SOX30: variants seen among roughly 807,000 people sequenced by gnomAD.
SOX30 encodes transcription factor SOX-30.
Under a neutral mutation model 58.6 loss-of-function variants are expected in SOX30, and 17 were observed. The ratio of observed to expected loss-of-function variants is 0.29; its 90% CI spans 0.20 to 0.44. The LOEUF (loss-of-function observed/expected upper bound fraction) is 0.44, where lower values mean the gene tolerates loss of function less well. Ranked by LOEUF, SOX30 falls within the 20% of genes least tolerant of loss-of-function variation. The probability of loss-of-function intolerance (pLI) is 1.00; values close to 1 mark genes in which losing one functional copy is unlikely to be tolerated. For synonymous variants in SOX30, 421 were observed against 400.2 expected (o/e 1.05, Z -0.62); for missense variants, 951 against 965.8 (o/e 0.98, Z 0.20).
At chr5:157,639,124 A>G (rs1447678823) in intron 3 of SOX30, among the ~76,000 whole-genome samples, 2 of 152,178 alleles carry the variant, frequency 1.3e-5, no homozygotes, top group African/African-American at 4.8e-5. Flanking sequence ...AAATGCTGGT[A>G]TGCATATATA....
At chr5:157,640,442 C>A (rs926066850) in intron 3 of SOX30, among the ~76,000 whole-genome samples, 2 of 152,126 alleles carry the variant, frequency 1.3e-5, no homozygotes, top group Admixed American at 6.5e-5. Flanking sequence ...ATAAGCGAGA[C>A]AGGGTAGTGG....
intron 1 of SOX30, chr5:157,667,959 G>A (rs558697521): frequency 1.2e-5 from 15 of 1,260,698 alleles, no homozygotes; most frequent in Middle Eastern, 1.9e-4. Context: ...CAGGCATCAC[G>A]CCTATCTTAC....
At chr5:157,628,857 T>A (rs945537083) in intron 4 of SOX30, among the ~76,000 whole-genome samples, 13 of 152,182 alleles carry the variant, frequency 8.5e-5, no homozygotes, top group African/African-American at 3.1e-4. Flanking sequence ...GCCAGTCTGG[T>A]CTCGAAATTC....
At chr5:157,663,686 T>C (rs1390875831) in intron 2 of SOX30, among the ~76,000 whole-genome samples, 3 of 152,204 alleles carry the variant, frequency 2.0e-5, no homozygotes, top group African/African-American at 4.8e-5. Flanking sequence ...GATGACATGA[T>C]TGTATATTTA....
chr5:157,646,956 T>A (rs778343538), intron 2 of SOX30, 140 bp from the exon 3 acceptor site: 21 of 653,358 alleles, frequency 3.2e-5, no homozygotes, highest in Non-Finnish European at 5.0e-5. Context: ...TCCGGGATAT[T>A]ATTTCAGTGA....
chr5:157,649,732 G>T lies in SOX30; in HGVS notation c.968-836C>A, dbSNP rs561423645. 1.1e-4 allele frequency among the ~76,000 whole-genome samples: 16 copies of T among 152,282 alleles called. No homozygotes were observed. The East Asian group carries it at 1.7e-3, about 17-fold the overall frequency. On this transcript the variant is annotated intron_variant, in intron 1 of 4. Transcript: ENST00000265007. ...TTGAACCCAGGAGGTGGAGGTTGCA[G>T]CGAGCTGAGATCACGCCACGGTACT...
At chr5:157,657,738 G>A (rs1296777070) in intron 2 of SOX30, among the ~76,000 whole-genome samples, 1 of 152,164 alleles carries the variant, frequency 6.6e-6, no homozygotes, top group African/African-American at 2.4e-5. Flanking sequence ...AGCATATTTA[G>A]TTCTCTCTAC....
chr5:157,668,766 C>G (rs1233450049), intron 1 of SOX30, among the ~76,000 whole-genome samples: 1 of 152,186 alleles, frequency 6.6e-6, no homozygotes, highest in African/African-American at 2.4e-5. Flanking sequence ...CCTCTCCACT[C>G]TGAGAGGTTG....
chr5:157,630,147 T>A (rs1758755044), intron 4 of SOX30, among the ~76,000 whole-genome samples: 2 of 152,356 alleles, frequency 1.3e-5, no homozygotes, highest in African/African-American at 2.4e-5. Context: ...GGTTCTTTTT[T>A]AATTTCTATC....
intron 2 of SOX30, among the ~76,000 whole-genome samples, chr5:157,662,425 A>T (rs1174546133): frequency 6.6e-6 from 1 of 151,834 alleles, no homozygotes; most frequent in African/African-American, 2.4e-5. Context: ...AGCTTAATTA[A>T]TTTTTCTAGG....
intron 4 of SOX30, among the ~76,000 whole-genome samples, chr5:157,632,888 A>G: frequency 6.6e-6 from 1 of 152,156 alleles, no homozygotes; most frequent in East Asian, 1.9e-4. Context: ...CAGGAGTTCA[A>G]GACCAGCCTG....
intron 1 of SOX30, 152 bp downstream of exon 1, chr5:157,650,960 T>A (rs1759313852): frequency 1.7e-6 from 1 of 576,754 alleles, no homozygotes; most frequent in African/African-American, 1.9e-5. Context: ...TATGTACAAG[T>A]CGATCAGAAG....
At chr5:157,666,825 C>T (rs1581410768) in intron 2 of SOX30, among the ~76,000 whole-genome samples, 1 of 152,272 alleles carries the variant, frequency 6.6e-6, no homozygotes, top group Middle Eastern at 3.4e-3. Context: ...CCCGCCTCAG[C>T]CTCCTAAATA....
chr5:157,633,267 AAG>A (rs1172739871), intron 4 of SOX30, among the ~76,000 whole-genome samples: 15 of 152,116 alleles, frequency 9.9e-5, no homozygotes, highest in Admixed American at 2.0e-4. Flanking sequence ...ATTTGTTGCC[AAG>A]ACTGGCCTCG....
intron 2 of SOX30, 106 bp downstream of exon 2, chr5:157,648,551 A>G (rs1444739387): frequency 1.9e-6 from 2 of 1,037,626 alleles, no homozygotes; most frequent in African/African-American, 3.2e-5. Context: ...TATTGTACAT[A>G]TCAGAAAAAA....
intron 1 of SOX30, among the ~76,000 whole-genome samples, chr5:157,650,806 T>C (rs140526279): frequency 6.6e-6 from 1 of 152,350 alleles, no homozygotes; most frequent in East Asian, 1.9e-4. Flanking sequence ...ATTTGTAGCA[T>C]ATAAACTGAG....
chr5:157,667,960 C>A, intron 1 of SOX30: 1 of 1,256,384 alleles, frequency 8.0e-7, no homozygotes, highest in Non-Finnish European at 1.1e-6. Context: ...AGGCATCACG[C>A]CTATCTTACA....
chr5:157,637,665 T>A (rs1432830547), intron 4 of SOX30, among the ~76,000 whole-genome samples: 1 of 152,160 alleles, frequency 6.6e-6, no homozygotes, highest in African/African-American at 2.4e-5. Context: ...CTTATAGTTA[T>A]TTTGCATGAA....
At chr5:157,640,420 C>T (rs1222474863) in intron 3 of SOX30, among the ~76,000 whole-genome samples, 1 of 152,184 alleles carries the variant, frequency 6.6e-6, no homozygotes, top group East Asian at 1.9e-4. Flanking sequence ...GAGAATTCCA[C>T]ACTACCATGC....
Sources: allele counts gnomAD v4.1 joint callset (sites outside exome capture counted in the v4.1 genomes callset), GRCh38; gene constraint gnomAD v4.1.1; transcripts MANE v1.5; gene names NCBI Gene and HGNC (gene_info 2026-07-23, HGNC 2026-07-21).